CDC14B: variants seen among roughly 807,000 people sequenced by gnomAD.
The protein encoded by CDC14B is cell division cycle 14B, also known as dual specificity protein phosphatase CDC14B.
A neutral mutation model predicts 64.2 loss-of-function variants in CDC14B; 22 were observed. That is an observed-to-expected ratio of 0.34 (90% CI 0.24 to 0.49). The LOEUF (loss-of-function observed/expected upper bound fraction) is 0.49. CDC14B is among the 20% of genes least tolerant of loss of function. CDC14B has a pLI of 0.99. For synonymous variants in CDC14B, 191 were observed against 215.8 expected, an observed-to-expected ratio of 0.89 and a Z score of 1.01; for missense variants, 498 against 629.9, an observed-to-expected ratio of 0.79 and a Z score of 2.24.
At chr9:96,594,714 CAAAA>C (rs11414625) in intron 1 of CDC14B, among the ~76,000 whole-genome samples, 13 of 42,436 alleles carry the variant, frequency 3.1e-4, no homozygotes, top group African/African-American at 3.6e-4. Context: ...AAGGCTGTCT[CAAAA>C]AAAAAAAAAA....
intron 4 of CDC14B, among the ~76,000 whole-genome samples, chr9:96,555,207 G>A (rs1842343094): frequency 6.6e-6 from 1 of 152,158 alleles, no homozygotes; most frequent in Non-Finnish European, 1.5e-5. Flanking sequence ...CAGGATACTG[G>A]AGTAATAGGG....
chr9:96,540,329 C>A (rs1839868198), intron 6 of CDC14B, among the ~76,000 whole-genome samples: 1 of 151,960 alleles, frequency 6.6e-6, no homozygotes, highest in Non-Finnish European at 1.5e-5. Context: ...GATAGTGACC[C>A]TTAAATAAAA....
intron 1 of CDC14B, chr9:96,566,900 T>C: frequency 1.9e-6 from 3 of 1,547,468 alleles, no homozygotes; most frequent in Non-Finnish European, 2.6e-6. Context: ...ACCCCCGAAG[T>C]TTAAAAAACA....
intron 1 of CDC14B, among the ~76,000 whole-genome samples, chr9:96,610,180 A>G (rs1034816238): frequency 6.6e-6 from 1 of 152,116 alleles, no homozygotes; most frequent in Non-Finnish European, 1.5e-5. Context: ...GTCAACGTGA[A>G]TAAGAATACT....
At chr9:96,536,553 C>A (rs1839298242) in intron 7 of CDC14B, among the ~76,000 whole-genome samples, 1 of 152,122 alleles carries the variant, frequency 6.6e-6, no homozygotes, top group Non-Finnish European at 1.5e-5. Context: ...CAGGGTTGGC[C>A]CTAATGAATC....
intron 1 of CDC14B, among the ~76,000 whole-genome samples, chr9:96,613,873 T>C (rs959634963): frequency 3.3e-5 from 5 of 152,228 alleles, no homozygotes; most frequent in Non-Finnish European, 5.9e-5. Flanking sequence ...ATGACTATTT[T>C]ACATAGTAAG....
At chr9:96,590,935 T>C (rs12347074) in intron 1 of CDC14B, among the ~76,000 whole-genome samples, 9,521 of 152,200 alleles carry the variant, frequency 0.063, 948 homozygotes, top group African/African-American at 0.22. Flanking sequence ...ATTCAAGCCC[T>C]TTGCGTATTT....
At chr9:96,614,293 G>GTGC (rs1847495171) in intron 1 of CDC14B, among the ~76,000 whole-genome samples, 2 of 150,778 alleles carry the variant, frequency 1.3e-5, no homozygotes, top group Admixed American at 1.3e-4. Flanking sequence ...CCAGGCTAGA[G>GTGC]TGCTGTGGAA....
chr9:96,607,836 C>T (rs555633455), intron 1 of CDC14B, among the ~76,000 whole-genome samples: 32 of 152,274 alleles, frequency 2.1e-4, no homozygotes, highest in African/African-American at 7.7e-4. Flanking sequence ...ATTCCCACTC[C>T]CAGCTATCAC....
chr9:96,596,238 T>C (rs1846063768), intron 1 of CDC14B, among the ~76,000 whole-genome samples: 1 of 151,844 alleles, frequency 6.6e-6, no homozygotes, highest in South Asian at 2.1e-4. Context: ...GGCACGGACC[T>C]GTAGTTCCAG....
intron 1 of CDC14B, among the ~76,000 whole-genome samples, chr9:96,596,672 A>G (rs530410033): frequency 4.5e-4 from 69 of 152,152 alleles, no homozygotes; most frequent in African/African-American, 1.6e-3. Context: ...ACCAGCCTGG[A>G]TAAGATTGTA....
At chr9:96,609,122 G>A (rs547897587) in intron 1 of CDC14B, among the ~76,000 whole-genome samples, 3 of 152,144 alleles carry the variant, frequency 2.0e-5, no homozygotes, top group Non-Finnish European at 2.9e-5. Flanking sequence ...ATGCCAACAC[G>A]CCTGGCTAAT....
At chr9:96,567,852 T>C (rs1021900848) in intron 1 of CDC14B, among the ~76,000 whole-genome samples, 8 of 152,188 alleles carry the variant, frequency 5.3e-5, no homozygotes, top group African/African-American at 1.9e-4. Flanking sequence ...GATAAATGCT[T>C]AAGGGGATGG....
At chr9:96,560,890 T>C (rs12339080) in intron 4 of CDC14B, among the ~76,000 whole-genome samples, 1,563 of 152,222 alleles carry the variant, frequency 0.01, 25 homozygotes, top group African/African-American at 0.035. Flanking sequence ...ATAACCTATG[T>C]TTCATACTTT....
At chr9:96,594,543 C>T (rs1845956109) in intron 1 of CDC14B, among the ~76,000 whole-genome samples, 1 of 151,788 alleles carries the variant, frequency 6.6e-6, no homozygotes, top group Non-Finnish European at 1.5e-5. Context: ...ATGTCAAAAT[C>T]CCCTCTTTAC....
intron 12 of CDC14B, among the ~76,000 whole-genome samples, chr9:96,520,079 TAGC>T (rs1047016557): frequency 6.6e-6 from 1 of 152,084 alleles, no homozygotes; most frequent in Non-Finnish European, 1.5e-5. Context: ...CTGCAAATAA[TAGC>T]AGAGAGGGTT....
intron 1 of CDC14B, among the ~76,000 whole-genome samples, chr9:96,577,877 A>G (rs889598667): frequency 2.0e-5 from 3 of 152,262 alleles, no homozygotes; most frequent in Non-Finnish European, 4.4e-5. Context: ...CACTGAAAAC[A>G]GCCCAAATGG....
chr9:96,594,689 C>G (rs1845969299), intron 1 of CDC14B, among the ~76,000 whole-genome samples: 1 of 142,500 alleles, frequency 7.0e-6, no homozygotes. Context: ...TGCACTCCAG[C>G]CTGGGCAACA....
At chr9:96,550,758 G>A (rs944302378) in intron 5 of CDC14B, among the ~76,000 whole-genome samples, 2 of 152,114 alleles carry the variant, frequency 1.3e-5, no homozygotes, top group African/African-American at 4.8e-5. Context: ...TGATAAACGA[G>A]CAGAAAAATT....
Sources: gnomAD v4.1 joint callset for allele counts (sites outside exome capture counted in the v4.1 genomes callset) on GRCh38, gnomAD v4.1.1 for gene constraint, MANE v1.5 for transcripts, NCBI Gene and HGNC (gene_info 2026-07-23, HGNC 2026-07-21) for gene names.